KCNH7: variants seen among roughly 807,000 people sequenced by gnomAD.
KCNH7 encodes the protein potassium voltage-gated channel subfamily H member 7.
KCNH7 carries 49 observed loss-of-function variants against 120.8 expected under a neutral mutation model. The ratio of observed to expected loss-of-function variants is 0.41; its 90% CI spans 0.32 to 0.51. KCNH7 has a LOEUF of 0.51. KCNH7 is among the 20% of genes least tolerant of loss of function. The probability of loss-of-function intolerance (pLI) is 0.38; values close to 1 mark genes in which losing one functional copy is unlikely to be tolerated. For synonymous variants in KCNH7, 547 were observed against 516.1 expected (o/e 1.06, Z -0.81); for missense variants, 1,097 against 1,446.6 (o/e 0.76, Z 3.92).
chr2:162,402,869 G>C (rs1316556662), intron 9 of KCNH7, among the ~76,000 whole-genome samples: 1 of 151,850 alleles, frequency 6.6e-6, no homozygotes, highest in Non-Finnish European at 1.5e-5. Flanking sequence ...AGTTGGAAGA[G>C]AGAAAAGAGA....
At position 162,488,687 on chromosome 2, in the gene KCNH7, C is replaced by T. The variant is rs960804344; in HGVS notation, c.1128+15756G>A. Among the ~76,000 whole-genome samples the T allele has an allele frequency of 4.6e-5, 7 of 152,276 alleles. No homozygotes were observed. The East Asian group carries it at 9.7e-4, about 21-fold the overall frequency. On this transcript the variant is annotated intron_variant, in intron 6 of 15. Transcript: ENST00000332142. ...ATAAATATCCCAAAAGAAAAATCTG[C>T]GCTCAGTCCTCTCACTGAGGTGCCC...
At chr2:162,495,113 T>C (rs1349177865) in intron 6 of KCNH7, among the ~76,000 whole-genome samples, 1 of 152,196 alleles carries the variant, frequency 6.6e-6, no homozygotes, top group African/African-American at 2.4e-5. Flanking sequence ...AATATATTTA[T>C]TTGCATCAGT....
At chr2:162,600,386 ACATT>A (rs1202005705) in intron 2 of KCNH7, among the ~76,000 whole-genome samples, 1 of 152,076 alleles carries the variant, frequency 6.6e-6, no homozygotes, top group Non-Finnish European at 1.5e-5. Context: ...CCCCACTTTG[ACATT>A]CATTCACTCA....
chr2:162,457,642 G>A (rs1030340685), intron 6 of KCNH7, among the ~76,000 whole-genome samples: 5 of 152,152 alleles, frequency 3.3e-5, no homozygotes, highest in Non-Finnish European at 7.4e-5. Flanking sequence ...AATAGAGAAC[G>A]ATTAAGCTTT....
chr2:162,618,397 T>A (rs1459641919), intron 2 of KCNH7, among the ~76,000 whole-genome samples: 1 of 152,110 alleles, frequency 6.6e-6, no homozygotes, highest in Non-Finnish European at 1.5e-5. Context: ...TATCATTAAA[T>A]GAGCTAATTA....
chr2:162,409,812 G>T (rs1687332334), intron 9 of KCNH7, among the ~76,000 whole-genome samples: 1 of 151,822 alleles, frequency 6.6e-6, no homozygotes, highest in South Asian at 2.1e-4. Flanking sequence ...GACAAATTAA[G>T]AATGCAATCT....
In KCNH7 at chr2:162,718,345, C is replaced by A. The variant is rs373325219; in HGVS notation, c.307+118192G>T. On this transcript the variant is annotated intron_variant, in intron 2 of 15. Coordinates refer to ENST00000332142, the MANE Select transcript of KCNH7 (RefSeq NM_033272.4). Reference sequence around the variant, plus strand: ...CACTGACTTCAATGACCATCATTGTCTAAACATGTTTCTTGCAACTTTTTA... The same window carrying A: ...CACTGACTTCAATGACCATCATTGTATAAACATGTTTCTTGCAACTTTTTA... 3.9e-5 allele frequency among the ~76,000 whole-genome samples: 6 copies of A among 152,084 alleles called. No individual in the cohort carries two copies. The South Asian group carries it at 1.2e-3, about 32-fold the overall frequency.
chr2:162,672,573 A>G (rs1399009217), intron 2 of KCNH7, among the ~76,000 whole-genome samples: 1 of 152,046 alleles, frequency 6.6e-6, no homozygotes, highest in African/African-American at 2.4e-5. Flanking sequence ...ACTCAGCAAC[A>G]AACTTAAGAA....
At chr2:162,383,232 C>T (rs1434209106) in intron 13 of KCNH7, among the ~76,000 whole-genome samples, 4 of 151,914 alleles carry the variant, frequency 2.6e-5, no homozygotes, top group African/African-American at 9.7e-5. Context: ...TTGGAGATAG[C>T]AGAGATGGTT....
intron 12 of KCNH7, among the ~76,000 whole-genome samples, 196 bp downstream of exon 12, chr2:162,394,193 T>G (rs954546440): frequency 2.0e-5 from 3 of 151,968 alleles, no homozygotes. Flanking sequence ...TTAGATGGGT[T>G]TGTTGAATGA....
At chr2:162,485,641 A>C (rs528008863) in intron 6 of KCNH7, among the ~76,000 whole-genome samples, 1 of 152,298 alleles carries the variant, frequency 6.6e-6, no homozygotes, top group East Asian at 1.9e-4. Flanking sequence ...ACGTAGTAAG[A>C]AAAAGAGAGG....
At chr2:162,782,946 G>A (rs1290037415) in intron 2 of KCNH7, among the ~76,000 whole-genome samples, 1 of 152,134 alleles carries the variant, frequency 6.6e-6, no homozygotes, top group Non-Finnish European at 1.5e-5. Flanking sequence ...TAGTTGAGTA[G>A]CAATTAGTCT....
At chr2:162,763,728 A>AGTGTGTGT (rs72350942) in intron 2 of KCNH7, among the ~76,000 whole-genome samples, 79 of 139,326 alleles carry the variant, frequency 5.7e-4, no homozygotes, top group African/African-American at 2.0e-3. Context: ...AGGCATTTGC[A>AGTGTGTGT]GTGTGTGTGT....
chr2:162,483,673 A>G (rs1690002227), intron 6 of KCNH7, among the ~76,000 whole-genome samples: 1 of 152,110 alleles, frequency 6.6e-6, no homozygotes, highest in Admixed American at 6.6e-5. Flanking sequence ...ATGAGTAATA[A>G]CCCTCTAAAT....
At chr2:162,545,446 G>T (rs1692446753) in intron 2 of KCNH7, among the ~76,000 whole-genome samples, 1 of 152,024 alleles carries the variant, frequency 6.6e-6, no homozygotes, top group Non-Finnish European at 1.5e-5. Context: ...AATATCAAAG[G>T]TCACCCAGGT....
At chr2:162,458,442 T>G (rs1689044749) in intron 6 of KCNH7, among the ~76,000 whole-genome samples, 1 of 152,108 alleles carries the variant, frequency 6.6e-6, no homozygotes, top group Non-Finnish European at 1.5e-5. Flanking sequence ...CTATGCCATA[T>G]GGATTTGAGG....
chr2:162,667,476 C>T (rs555193812), intron 2 of KCNH7, among the ~76,000 whole-genome samples: 1 of 152,256 alleles, frequency 6.6e-6, no homozygotes, highest in East Asian at 1.9e-4. Context: ...TTCTCCTGTG[C>T]CTTTACCTCT....
intron 2 of KCNH7, among the ~76,000 whole-genome samples, chr2:162,811,827 A>C: frequency 6.6e-6 from 1 of 152,276 alleles, no homozygotes; most frequent in East Asian, 1.9e-4. Flanking sequence ...AAACTCAGAA[A>C]CTAGCACTGC....
intron 2 of KCNH7, among the ~76,000 whole-genome samples, chr2:162,708,501 A>G (rs1029680890): frequency 1.3e-5 from 2 of 152,138 alleles, no homozygotes; most frequent in African/African-American, 2.4e-5. Flanking sequence ...ATCTTTTAAT[A>G]CAGGATCAAA....
Sources: allele counts gnomAD v4.1 joint callset (sites outside exome capture counted in the v4.1 genomes callset), GRCh38; gene constraint gnomAD v4.1.1; transcripts MANE v1.5; gene names NCBI Gene and HGNC (gene_info 2026-07-23, HGNC 2026-07-21).